The following MYO16 variants were observed in gnomAD, a reference collection of about 807,000 sequenced individuals.
The protein encoded by MYO16 is unconventional myosin-XVI.
A neutral mutation model predicts 205.3 loss-of-function variants in MYO16; 94 were observed. The observed-to-expected ratio is 0.46, with a 90% CI of 0.39 to 0.54. The LOEUF (loss-of-function observed/expected upper bound fraction) is 0.54, where lower values mean the gene tolerates loss of function less well. MYO16 is among the 20% of genes least tolerant of loss of function. The pLI, the probability that MYO16 is intolerant of heterozygous loss-of-function variation, is 0.00. For missense variants in MYO16, 2,315 were observed against 2,387.5 expected (o/e 0.97, Z 0.63); for synonymous variants, 988 against 954.0 (o/e 1.04, Z -0.66).
chr13:108,886,764 C>T (rs1210669783), intron 13 of MYO16, among the ~76,000 whole-genome samples: 2 of 151,918 alleles, frequency 1.3e-5, no homozygotes, highest in African/African-American at 4.8e-5. Flanking sequence ...ACTCGTGGGG[C>T]GGGTCGGAGC....
intron 1 of MYO16, among the ~76,000 whole-genome samples, chr13:108,661,228 T>C (rs1881486730): frequency 6.6e-6 from 1 of 152,190 alleles, no homozygotes; most frequent in Admixed American, 6.5e-5. Flanking sequence ...CTTTACTTCA[T>C]CTTAACTTTA....
At chr13:108,870,387 T>C (rs1434693905) in intron 12 of MYO16, among the ~76,000 whole-genome samples, 1 of 152,084 alleles carries the variant, frequency 6.6e-6, no homozygotes, top group African/African-American at 2.4e-5. Flanking sequence ...ATGTCAAAAT[T>C]ATGCTAGTTT....
At chr13:109,183,154 A>T (rs1879527780) in intron 34 of MYO16, among the ~76,000 whole-genome samples, 1 of 152,212 alleles carries the variant, frequency 6.6e-6, no homozygotes, top group East Asian at 1.9e-4. Context: ...TACTTTTTTT[A>T]AAAGTTTATG....
At chr13:108,636,538 C>G (rs994430678) in intron 1 of MYO16, among the ~76,000 whole-genome samples, 6 of 151,840 alleles carry the variant, frequency 4.0e-5, no homozygotes, top group African/African-American at 7.3e-5. Context: ...TACCACAACA[C>G]CGAGCTAATT....
At chr13:108,851,311 G>T (rs1391456178) in intron 10 of MYO16, among the ~76,000 whole-genome samples, 1 of 152,078 alleles carries the variant, frequency 6.6e-6, no homozygotes, top group Non-Finnish European at 1.5e-5. Context: ...ACATAGTTTT[G>T]GGGGTTGTCT....
rs768599816 is a variant in MYO16, at chr13:109,140,748, GC to G, written c.4540del (p.Leu1514CysfsTer20). ...PFPNLLPHRP[P>X]LLVFPPTPVT... ...TCCCCAACCTGCTGCCGCACCGGCC[GC>G]CCCTGCTGGTGTTCCCCCCGACCCC... On this transcript the variant is annotated frameshift_variant, in exon 32 of 35. Transcript: ENST00000457511. LOFTEE classifies it high-confidence loss of function. The surrounding 1 kb of genome is among the most constrained non-coding windows in gnomAD (Gnocchi z 8.0). 6.5e-7 allele frequency: 1 copy of G among 1,528,732 alleles called. No individual in the cohort carries two copies. Among genetic ancestry groups the G allele is most frequent in the Non-Finnish European group, 8.8e-7 (1 of 1,139,714 alleles). 94.7% of individuals were successfully genotyped at this position (1,528,732 alleles called of 1,614,324 possible). A position where few individuals can be genotyped will look rare whatever the true frequency, so the allele number is the denominator to read the frequency against.
At chr13:108,538,519 A>G in the MYO16 span, among the ~76,000 whole-genome samples, 1 of 152,048 alleles carries the variant, frequency 6.6e-6, no homozygotes, top group Non-Finnish European at 1.5e-5. Context: ...TGGGGTGACA[A>G]AGTGAAGACA....
intron 34 of MYO16, among the ~76,000 whole-genome samples, chr13:109,199,386 G>A (rs1414714760): frequency 7.3e-5 from 11 of 151,516 alleles, no homozygotes; most frequent in Non-Finnish European, 7.4e-5. Flanking sequence ...CGATGCAAGC[G>A]TGAAGGTTTG....
intron 2 of MYO16, among the ~76,000 whole-genome samples, chr13:108,684,772 T>C (rs958304038): frequency 1.3e-5 from 2 of 152,108 alleles, no homozygotes; most frequent in Admixed American, 6.5e-5. Flanking sequence ...CATAAAAACC[T>C]CTGAACTATG....
Position 108,799,663 on chromosome 13 carries a change from G to A in MYO16, c.741+6023G>A, listed in dbSNP as rs139572624. ...ACCCAAGTTTTCACCCCCAGCCCCCGAATTTTATCCACAAATCCTGCAGAG... is the reference window on the plus strand; with the variant it reads ...ACCCAAGTTTTCACCCCCAGCCCCCAAATTTTATCCACAAATCCTGCAGAG... On this transcript the variant is annotated intron_variant, in intron 6 of 34. Transcript: ENST00000457511. Among the ~76,000 whole-genome samples, 11 of 152,254 alleles carry A rather than the reference G, an allele frequency of 7.2e-5. No individual in the cohort carries two copies. In the East Asian group the frequency reaches 2.1e-3, roughly 29 times the overall value.
chr13:108,771,954 A>G (rs1450545550), intron 4 of MYO16, among the ~76,000 whole-genome samples: 1 of 152,164 alleles, frequency 6.6e-6, no homozygotes, highest in African/African-American at 2.4e-5. Context: ...GCTGACACAG[A>G]CATCTGTGTG....
At chr13:109,047,494 T>C (rs1384986589) in intron 24 of MYO16, among the ~76,000 whole-genome samples, 1 of 152,120 alleles carries the variant, frequency 6.6e-6, no homozygotes, top group Non-Finnish European at 1.5e-5. Flanking sequence ...ATAGGACCCT[T>C]CTACTTAATG....
the MYO16 span, among the ~76,000 whole-genome samples, chr13:108,590,695 T>C: frequency 1.8e-3 from 268 of 151,828 alleles, 2 homozygotes; most frequent in African/African-American, 6.1e-3. Context: ...ACAGAAGACA[T>C]AAAAGAGAGA....
At chr13:109,012,398 A>C (rs2139490519) in intron 22 of MYO16, among the ~76,000 whole-genome samples, 1 of 152,280 alleles carries the variant, frequency 6.6e-6, no homozygotes, top group Non-Finnish European at 1.5e-5. Context: ...TGGCAGCATT[A>C]GGTTCTCATA....
intron 2 of MYO16, among the ~76,000 whole-genome samples, chr13:108,705,023 C>A (rs1438798057): frequency 2.0e-5 from 3 of 151,846 alleles, no homozygotes; most frequent in East Asian, 1.9e-4. Flanking sequence ...TACAATAGTG[C>A]CCCCTTACCC....
At chr13:108,602,593 A>G (rs1448178321) in intron 1 of MYO16, among the ~76,000 whole-genome samples, 1 of 152,134 alleles carries the variant, frequency 6.6e-6, no homozygotes, top group Non-Finnish European at 1.5e-5. Flanking sequence ...ATCACATGGT[A>G]TGTTGCAACT....
At chr13:109,160,016 T>A (rs1055624807) in intron 32 of MYO16, among the ~76,000 whole-genome samples, 1 of 152,210 alleles carries the variant, frequency 6.6e-6, no homozygotes, top group Non-Finnish European at 1.5e-5. Flanking sequence ...TCGGCCTCAG[T>A]ACAATGGACA....
intron 24 of MYO16, 146 bp downstream of exon 24, chr13:109,047,137 G>T: frequency 1.6e-6 from 1 of 619,756 alleles, no homozygotes; most frequent in Middle Eastern, 4.2e-4. Flanking sequence ...AGACTAATGA[G>T]AAATGGGTCT....
chr13:109,101,015 C>A, intron 28 of MYO16, 128 bp downstream of exon 28: 1 of 716,266 alleles, frequency 1.4e-6, no homozygotes, highest in Non-Finnish European at 2.4e-6. Context: ...CAAGGCGTGA[C>A]ATTAAGTGTA....
Sources: allele counts gnomAD v4.1 joint callset (sites outside exome capture counted in the v4.1 genomes callset), GRCh38; gene constraint gnomAD v4.1.1; non-coding constraint Gnocchi (gnomAD v3.1); transcripts MANE v1.5; gene names NCBI Gene and HGNC (gene_info 2026-07-23, HGNC 2026-07-21).